Variants in TXNRD2 observed in about 807,000 individuals in gnomAD.
TXNRD2 encodes the protein thioredoxin reductase 2.
In TXNRD2, 67 loss-of-function variants were observed where a neutral mutation model predicts 70.8. The ratio of observed to expected loss-of-function variants is 0.95; its 90% CI spans 0.78 to 1.16. The LOEUF (loss-of-function observed/expected upper bound fraction) is 1.16. Among genes scored for constraint, TXNRD2 ranks in the 50% most tolerant of loss-of-function variants. The probability of loss-of-function intolerance (pLI) is 0.00; values close to 1 mark genes in which losing one functional copy is unlikely to be tolerated. For missense variants in TXNRD2, 644 were observed against 719.9 expected, an observed-to-expected ratio of 0.89 and a Z score of 1.21; for synonymous variants, 301 against 295.8, an observed-to-expected ratio of 1.02 and a Z score of -0.18.
In TXNRD2 at chr22:19,875,531, A is replaced by T. The variant is rs1310842365; in HGVS notation, c.*342T>A. 6.6e-6 allele frequency: 1 copy of T among 152,246 alleles called. No homozygotes were observed. The highest frequency in any genetic ancestry group is 2.4e-5 in the African/African-American group (1 of 41,450). The allele number at this position is 152,246 out of a possible 1,614,324, so 9.4% of individuals were successfully genotyped here. ...CGCAGGCAGAGCACACTTCAGAAAA[A>T]GTACCCTCTTTATTTGCATTGCAGA... On this transcript the variant is annotated 3_prime_UTR_variant, in exon 18 of 18. Transcript: ENST00000400521.
rs374967343 is a variant in TXNRD2, at chr22:19,877,182, A to G, written c.1498T>C (p.Cys500Arg). 1.9e-6 allele frequency: 3 copies of G among 1,611,764 alleles called. No homozygotes were observed. The highest frequency in any genetic ancestry group is 8.5e-7 in the Non-Finnish European group (1 of 1,178,830). ...CGCAGCTTGACTACCTCCTCAGAGC[A>G]TGTGGGATGGATACCCACGGTCCGC... ...VMRTVGIHPT[C>R]SEEVVKLRIS... The change falls in exon 17 of 18, where the codon TGC (cysteine) becomes CGC (arginine). Residue 500 changes from cysteine (C) to arginine (R), a missense_variant. Around this residue, in one of 3 missense-constraint regions of TXNRD2, gnomAD observed 566 missense variants for 645.0 expected, o/e 0.88. Transcript: ENST00000400521.
chr22:19,901,718 CCTACAGA>C (rs1939786254), intron 8 of TXNRD2, among the ~76,000 whole-genome samples: 1 of 152,120 alleles, frequency 6.6e-6, no homozygotes, highest in African/African-American at 2.4e-5. Context: ...AAGACAGGGA[CCTACAGA>C]CACCTTCTTC....
At chr22:19,895,381 G>A (rs1473824861) in intron 11 of TXNRD2, 26 bp downstream of exon 11, 2 of 1,613,546 alleles carry the variant, frequency 1.2e-6, no homozygotes, top group Admixed American at 1.7e-5. Context: ...ACCAGAGACA[G>A]AGCGTGTGGC....
intron 2 of TXNRD2, among the ~76,000 whole-genome samples, chr22:19,928,342 C>T (rs1197103866): frequency 2.0e-5 from 3 of 152,072 alleles, no homozygotes; most frequent in Non-Finnish European, 4.4e-5. Context: ...TACAGGGGAA[C>T]ACGTACACGA....
chr22:19,892,067 G>GCATCCCCCCTTCCTGTCGGAGC (rs1384263961), intron 11 of TXNRD2, among the ~76,000 whole-genome samples: 1 of 152,238 alleles, frequency 6.6e-6, no homozygotes, highest in African/African-American at 2.4e-5. Context: ...GGGCACGGAG[G>GCATCCCCCCTTCCTGTCGGAGC]CATCCCCCCT....
At chr22:19,929,863 A>G (rs1941292739) in intron 2 of TXNRD2, among the ~76,000 whole-genome samples, 3 of 152,184 alleles carry the variant, frequency 2.0e-5, no homozygotes, top group African/African-American at 7.2e-5. Flanking sequence ...TTCATCTCAA[A>G]AAAGCCACAA....
chr22:19,881,386 T>TACGGAA (rs1440100741), intron 12 of TXNRD2: 1 of 280,154 alleles, frequency 3.6e-6, no homozygotes, highest in Non-Finnish European at 6.4e-6. Context: ...CCTGACTAAC[T>TACGGAA]ACGGAAACAT....
Position 19,932,257 on chromosome 22 carries a change from A to G in TXNRD2, c.104-1159T>C. On this transcript the variant is annotated intron_variant, in intron 1 of 17. Coordinates refer to ENST00000400521, the MANE Select transcript of TXNRD2 (RefSeq NM_006440.5). ...CCAGGGTCTTGGTGTGCCCAGCTGC[A>G]GTCAGCTAGGAGGGAAGCCACCCTG... 3 of 1,601,722 alleles carry G rather than the reference A, an allele frequency of 1.9e-6. No homozygotes were observed. The South Asian group carries it at 3.3e-5, about 18-fold the overall frequency.
chr22:19,905,267 C>T (rs984266969), intron 8 of TXNRD2, among the ~76,000 whole-genome samples: 1 of 152,168 alleles, frequency 6.6e-6, no homozygotes, highest in Non-Finnish European at 1.5e-5. Context: ...ACATTGCAAA[C>T]ACTTTTTTTC....
chr22:19,932,118 G>A (rs905663433), intron 1 of TXNRD2, among the ~76,000 whole-genome samples: 1 of 140,548 alleles, frequency 7.1e-6, no homozygotes, highest in Non-Finnish European at 1.5e-5. Flanking sequence ...CGGATACCAC[G>A]CCACTGCACT....
intron 8 of TXNRD2, among the ~76,000 whole-genome samples, chr22:19,904,856 CG>C (rs530083187): frequency 3.3e-5 from 5 of 152,198 alleles, no homozygotes; most frequent in Non-Finnish European, 7.3e-5. Context: ...CACCCGACTA[CG>C]GGAGGCACTC....
intron 1 of TXNRD2, chr22:19,932,679 T>G: frequency 1.1e-6 from 1 of 911,012 alleles, no homozygotes. Flanking sequence ...ATAAAACAAG[T>G]AGTGCCCTCA....
At chr22:19,940,006 G>A (rs1472036338) in intron 1 of TXNRD2, among the ~76,000 whole-genome samples, 2 of 152,088 alleles carry the variant, frequency 1.3e-5, no homozygotes, top group East Asian at 3.8e-4. Flanking sequence ...CACTTTGGGA[G>A]GCCAAGGCAG....
In TXNRD2 at chr22:19,883,472, CAG is replaced by C. The variant is rs1569073418; in HGVS notation, c.950-13_950-12del. ...TGTCTGGGACTCGACCTGAAGGAAA[CAG>C]AGAGGGGGCTGAAAGGTTATCTTCA... On this transcript the variant is annotated splice_polypyrimidine_tract_variant and intron_variant, in intron 11 of 17. Coordinates refer to ENST00000400521, the MANE Select transcript of TXNRD2 (RefSeq NM_006440.5). 3.1e-6 allele frequency: 5 copies of C among 1,613,990 alleles called. No individual in the cohort carries two copies. Among genetic ancestry groups the C allele is most frequent in the Non-Finnish European group, 4.2e-6 (5 of 1,180,040 alleles).
chr22:19,920,596 AG>A (rs1226885156), intron 2 of TXNRD2, among the ~76,000 whole-genome samples: 1 of 122,188 alleles, frequency 8.2e-6, no homozygotes, highest in East Asian at 2.0e-4. Flanking sequence ...AAAGAAAGAA[AG>A]AAAAAAAAAA....
chr22:19,894,969 CAA>C (rs35599379), intron 11 of TXNRD2: 24,083 of 1,227,982 alleles, frequency 0.02, no homozygotes, highest in African/African-American at 0.027. Flanking sequence ...GACTCCATCT[CAA>C]AAAAAAAAAA....
intron 2 of TXNRD2, among the ~76,000 whole-genome samples, chr22:19,921,951 C>CT (rs1469818514): frequency 3.3e-5 from 5 of 152,202 alleles, no homozygotes; most frequent in African/African-American, 1.2e-4. Context: ...AGACTGGGCA[C>CT]TGCTCCATAC....
chr22:19,940,785 C>A (rs1422067377), intron 1 of TXNRD2, among the ~76,000 whole-genome samples: 1 of 152,182 alleles, frequency 6.6e-6, no homozygotes, highest in Non-Finnish European at 1.5e-5. Flanking sequence ...GGTTCCAGGT[C>A]TCAGCAAGGC....
intron 8 of TXNRD2, among the ~76,000 whole-genome samples, chr22:19,909,823 CA>C (rs1940289896): frequency 1.8e-5 from 2 of 112,710 alleles, no homozygotes; most frequent in African/African-American, 3.7e-5. Context: ...ACACACACAC[CA>C]CACACCACAC....
Sources: allele counts gnomAD v4.1 joint callset (sites outside exome capture counted in the v4.1 genomes callset), GRCh38; gene constraint gnomAD v4.1.1; regional missense constraint gnomAD v4.1.1; transcripts MANE v1.5; gene names NCBI Gene and HGNC (gene_info 2026-07-23, HGNC 2026-07-21).